The following AGMO variants were observed in gnomAD, a reference collection of about 807,000 sequenced individuals.
The protein encoded by AGMO is alkylglycerol monooxygenase.
AGMO carries 75 observed loss-of-function variants against 60.2 expected under a neutral mutation model. The ratio of observed to expected loss-of-function variants is 1.25; its 90% confidence interval spans 1.03 to 1.51. AGMO has a LOEUF of 1.51. AGMO is among the 40% of genes most tolerant of loss of function. AGMO has a pLI of 0.00. For missense variants in AGMO, 763 were observed against 525.5 expected, an observed-to-expected ratio of 1.45 and a Z score of -4.42; for synonymous variants, 261 against 177.1, an observed-to-expected ratio of 1.47 and a Z score of -3.76.
At chr7:15,531,216 CTATATATATTCTA>C (rs1210625276) in intron 3 of AGMO, among the ~76,000 whole-genome samples, 8 of 66,250 alleles carry the variant, frequency 1.2e-4, no homozygotes, top group Non-Finnish European at 1.3e-4. Flanking sequence ...TCTATATATT[CTATATATATTCTA>C]TATATATATT....
chr7:15,474,185 A>G (rs1008604532), intron 3 of AGMO, among the ~76,000 whole-genome samples: 2 of 152,196 alleles, frequency 1.3e-5, no homozygotes, highest in African/African-American at 4.8e-5. Context: ...TTCTTCACAG[A>G]ATTAGAGAAA....
chr7:15,409,881 A>T (rs1016567217), intron 5 of AGMO, among the ~76,000 whole-genome samples: 2 of 151,826 alleles, frequency 1.3e-5, no homozygotes, highest in Non-Finnish European at 2.9e-5. Context: ...TGAGTTATTC[A>T]GTATATTTAA....
intron 3 of AGMO, among the ~76,000 whole-genome samples, chr7:15,468,959 T>C (rs2128511604): frequency 6.6e-6 from 1 of 152,236 alleles, no homozygotes; most frequent in Admixed American, 6.6e-5. Flanking sequence ...ACACAGTAAA[T>C]TAAGAATTCT....
chr7:15,558,593 TG>T (rs1785217054), intron 2 of AGMO, among the ~76,000 whole-genome samples: 2 of 152,076 alleles, frequency 1.3e-5, no homozygotes, highest in Non-Finnish European at 2.9e-5. Flanking sequence ...CATGATAATC[TG>T]GGAATTAGCT....
At chr7:15,456,498 T>C (rs1048820227) in intron 3 of AGMO, among the ~76,000 whole-genome samples, 2 of 152,142 alleles carry the variant, frequency 1.3e-5, no homozygotes, top group African/African-American at 4.8e-5. Flanking sequence ...AGTTTTCCTA[T>C]GTTCAGGTTA....
rs1378761637 is a variant in AGMO, at chr7:15,208,542, A to G, written c.1264-7183T>C. ...ATAAAACAAGAGCAGAAAAATAACA[A>G]GGCATTTGGTGAACATTATACCTAG... On this transcript the variant is annotated intron_variant, in intron 12 of 12. Coordinates refer to ENST00000342526, the MANE Select transcript of AGMO (RefSeq NM_001004320.2). Among the ~76,000 whole-genome samples, 5 of 152,212 alleles carry G rather than the reference A, an allele frequency of 3.3e-5. 1 individual carries two copies. The highest frequency in any genetic ancestry group is 2.4e-5 in the African/African-American group (1 of 41,464).
chr7:15,193,498 C>A, the AGMO span, among the ~76,000 whole-genome samples: 1 of 152,240 alleles, frequency 6.6e-6, no homozygotes, highest in East Asian at 1.9e-4. Flanking sequence ...TTCATCAATA[C>A]TCTCAAGCTT....
chr7:15,331,644 C>T (rs1781501045), intron 12 of AGMO, among the ~76,000 whole-genome samples: 3 of 151,900 alleles, frequency 2.0e-5, no homozygotes, highest in South Asian at 2.1e-4. Context: ...TAAGAATTGC[C>T]GACCAGGCGC....
At chr7:15,276,921 T>C (rs901083559) in intron 12 of AGMO, among the ~76,000 whole-genome samples, 8 of 151,878 alleles carry the variant, frequency 5.3e-5, no homozygotes, top group Non-Finnish European at 1.0e-4. Context: ...TATCTAACTC[T>C]TCCTTCATTT....
chr7:15,443,395 A>G (rs559277779), intron 3 of AGMO, among the ~76,000 whole-genome samples: 2 of 152,290 alleles, frequency 1.3e-5, no homozygotes, highest in South Asian at 4.1e-4. Flanking sequence ...AGCCACGCCC[A>G]TCTCATGCCC....
chr7:15,426,408 T>A (rs916917449), intron 4 of AGMO, among the ~76,000 whole-genome samples: 2 of 152,036 alleles, frequency 1.3e-5, no homozygotes, highest in Non-Finnish European at 2.9e-5. Flanking sequence ...CTAAAATAGA[T>A]AAATGCAAGG....
chr7:15,380,092 C>G lies in AGMO; in HGVS notation c.1074+5354G>C, dbSNP rs574663283. Among the ~76,000 whole-genome samples, 4 of 152,176 alleles carry G rather than the reference C, an allele frequency of 2.6e-5. No individual in the cohort carries two copies. The South Asian group carries it at 8.3e-4, about 32-fold the overall frequency. ...AATGTTGGAAGCATTCCCCTTGAAA[C>G]CAGCACAAGACAAGTATGCCCTCCG... On this transcript the variant is annotated intron_variant, in intron 10 of 12. Transcript: ENST00000342526.
intron 5 of AGMO, among the ~76,000 whole-genome samples, chr7:15,410,208 T>C (rs1193041864): frequency 2.0e-5 from 3 of 151,726 alleles, no homozygotes; most frequent in Non-Finnish European, 4.4e-5. Flanking sequence ...CATTTAACTT[T>C]TTTTTATTAT....
chr7:15,198,661 G>A (rs1266062783), downstream of AGMO, among the ~76,000 whole-genome samples: 1 of 152,088 alleles, frequency 6.6e-6, no homozygotes, highest in East Asian at 1.9e-4. Context: ...TGGTGGGTAG[G>A]GGGCCAGGGA....
At chr7:15,423,787 C>G (rs894178372) in intron 4 of AGMO, among the ~76,000 whole-genome samples, 5 of 151,560 alleles carry the variant, frequency 3.3e-5, no homozygotes, top group African/African-American at 1.2e-4. Flanking sequence ...AGCTGCAAAC[C>G]ACCAGTATTT....
intron 12 of AGMO, among the ~76,000 whole-genome samples, chr7:15,289,682 C>T (rs971686266): frequency 5.9e-5 from 9 of 151,926 alleles, no homozygotes; most frequent in Non-Finnish European, 1.3e-4. Context: ...TGGAAAATAA[C>T]GTGTCTAAGG....
At chr7:15,179,986 C>T in the AGMO span, among the ~76,000 whole-genome samples, 1 of 152,116 alleles carries the variant, frequency 6.6e-6, no homozygotes, top group Admixed American at 6.5e-5. Flanking sequence ...ACCTATGGGG[C>T]ATTCTCTGGG....
the AGMO span, among the ~76,000 whole-genome samples, chr7:15,182,298 C>T: frequency 3.9e-5 from 6 of 151,964 alleles, no homozygotes; most frequent in East Asian, 3.8e-4. Flanking sequence ...TACACAACAA[C>T]GTAAATACAT....
At chr7:15,535,995 T>A (rs940752662) in intron 3 of AGMO, among the ~76,000 whole-genome samples, 4 of 151,860 alleles carry the variant, frequency 2.6e-5, no homozygotes, top group African/African-American at 9.7e-5. Context: ...CTTTATAGAG[T>A]TATTCTGGGA....
Sources: gnomAD v4.1 joint callset for allele counts (sites outside exome capture counted in the v4.1 genomes callset) on GRCh38, gnomAD v4.1.1 for gene constraint, MANE v1.5 for transcripts, NCBI Gene and HGNC (gene_info 2026-07-23, HGNC 2026-07-21) for gene names.